Variants in PTPRT observed in about 807,000 individuals in gnomAD.
PTPRT encodes the protein protein tyrosine phosphatase receptor type T.
A neutral mutation model predicts 176.8 loss-of-function variants in PTPRT; 56 were observed. The observed-to-expected ratio is 0.32, with a 90% confidence interval of 0.26 to 0.40. PTPRT has a LOEUF of 0.40. PTPRT is among the 10% of genes least tolerant of loss of function. The probability of loss-of-function intolerance (pLI) is 1.00; values close to 1 mark genes in which losing one functional copy is unlikely to be tolerated. For missense variants in PTPRT, 1,540 were observed against 1,908.2 expected (o/e 0.81, Z 3.60); for synonymous variants, 783 against 739.0 (o/e 1.06, Z -0.96).
At chr20:42,055,110 C>A in the PTPRT span, among the ~76,000 whole-genome samples, 7 of 152,356 alleles carry the variant, frequency 4.6e-5, no homozygotes, top group South Asian at 6.2e-4. Context: ...CTTCCCAACA[C>A]AAGGTACATT....
intron 6 of PTPRT, among the ~76,000 whole-genome samples, chr20:42,727,145 GA>G (rs1220742164): frequency 8.5e-5 from 13 of 152,148 alleles, no homozygotes. Flanking sequence ...CCATTGTGGG[GA>G]ACCTCAGATG....
At chr20:42,153,440 C>A (rs1052576547) in intron 17 of PTPRT, among the ~76,000 whole-genome samples, 1 of 152,082 alleles carries the variant, frequency 6.6e-6, no homozygotes, top group African/African-American at 2.4e-5. Flanking sequence ...CAGGTTTTGA[C>A]TCTTGGTCAA....
intron 6 of PTPRT, among the ~76,000 whole-genome samples, chr20:42,706,619 C>A (rs2076064116): frequency 1.3e-5 from 2 of 152,102 alleles, no homozygotes; most frequent in Non-Finnish European, 2.9e-5. Context: ...CTTCTTTCTT[C>A]ATTAGAAAGA....
chr20:42,778,773 A>G (rs1354179795), intron 4 of PTPRT, among the ~76,000 whole-genome samples: 1 of 152,200 alleles, frequency 6.6e-6, no homozygotes, highest in Non-Finnish European at 1.5e-5. Flanking sequence ...TCATATGCAT[A>G]TCTACTACAT....
chr20:42,316,335 T>G (rs2057721477), intron 11 of PTPRT, among the ~76,000 whole-genome samples: 1 of 152,186 alleles, frequency 6.6e-6, no homozygotes, highest in Non-Finnish European at 1.5e-5. Flanking sequence ...CATCCTCAGT[T>G]CTTAACTCCT....
intron 27 of PTPRT, among the ~76,000 whole-genome samples, chr20:42,091,823 A>T (rs1439720927): frequency 1.3e-5 from 2 of 152,062 alleles, no homozygotes; most frequent in Non-Finnish European, 2.9e-5. Flanking sequence ...AGAGAGAGAG[A>T]TTCACACATC....
chr20:42,633,432 G>A (rs1042019906), intron 7 of PTPRT, among the ~76,000 whole-genome samples: 2 of 151,964 alleles, frequency 1.3e-5, no homozygotes, highest in Non-Finnish European at 2.9e-5. Context: ...AGATAGCATA[G>A]CAGTGTCCAT....
At position 42,275,815 on chromosome 20, in the gene PTPRT, G is replaced by C. The variant is rs886444002; in HGVS notation, c.2176+6674C>G. On this transcript the variant is annotated intron_variant, in intron 13 of 30. Transcript: ENST00000373187. ...CTAGAAGACAGTCAGTGAGAGCAAA[G>C]GGGGCCACAAGTCAAGGAGAATTTG... Among the ~76,000 whole-genome samples, 8 of 152,246 alleles carry C rather than the reference G, an allele frequency of 5.3e-5. No homozygotes were observed. In the East Asian group the frequency reaches 1.5e-3, roughly 29 times the overall value.
intron 14 of PTPRT, among the ~76,000 whole-genome samples, chr20:42,248,184 T>C (rs993103355): frequency 6.6e-6 from 1 of 152,090 alleles, no homozygotes; most frequent in African/African-American, 2.4e-5. Flanking sequence ...GGACTTGTAA[T>C]TGGGAACTCT....
At chr20:43,147,868 CCAAAG>C (rs575876158) in intron 1 of PTPRT, among the ~76,000 whole-genome samples, 115 of 152,266 alleles carry the variant, frequency 7.6e-4, no homozygotes, top group Non-Finnish European at 1.2e-3. Flanking sequence ...CTACTCCAAG[CCAAAG>C]CAGGATCACA....
intron 7 of PTPRT, among the ~76,000 whole-genome samples, chr20:42,543,785 T>A (rs890305247): frequency 6.6e-6 from 1 of 152,144 alleles, no homozygotes; most frequent in Non-Finnish European, 1.5e-5. Flanking sequence ...GTAGAATGGA[T>A]ATTGTGTTAG....
intron 16 of PTPRT, among the ~76,000 whole-genome samples, chr20:42,184,590 T>TCTG (rs1990682620): frequency 6.9e-6 from 1 of 143,886 alleles, no homozygotes; most frequent in African/African-American, 2.6e-5. Context: ...TTCTTCTTCT[T>TCTG]CTTCCTCTTC....
intron 9 of PTPRT, among the ~76,000 whole-genome samples, chr20:42,400,832 C>T (rs1312450351): frequency 6.6e-6 from 1 of 152,082 alleles, no homozygotes; most frequent in African/African-American, 2.4e-5. Flanking sequence ...AAGTTGGTAG[C>T]AACCTTGAGG....
At chr20:42,721,850 A>G (rs183544657) in intron 6 of PTPRT, among the ~76,000 whole-genome samples, 1 of 152,300 alleles carries the variant, frequency 6.6e-6, no homozygotes, top group Admixed American at 6.5e-5. Context: ...AGGCCAACCC[A>G]TTTCAGACCA....
intron 16 of PTPRT, among the ~76,000 whole-genome samples, chr20:42,168,845 A>G (rs1989950093): frequency 6.6e-6 from 1 of 152,202 alleles, no homozygotes; most frequent in Admixed American, 6.5e-5. Flanking sequence ...GTGACCCCTG[A>G]GGAACAGTAG....
chr20:42,167,186 G>C (rs1199064757), intron 16 of PTPRT, among the ~76,000 whole-genome samples: 1 of 152,184 alleles, frequency 6.6e-6, no homozygotes, highest in Non-Finnish European at 1.5e-5. Flanking sequence ...TATTTGTTCT[G>C]ATGAATTTGT....
intron 7 of PTPRT, among the ~76,000 whole-genome samples, chr20:42,604,576 G>C (rs1478522633): frequency 6.6e-6 from 1 of 152,036 alleles, no homozygotes; most frequent in Non-Finnish European, 1.5e-5. Context: ...GCTATGGTGA[G>C]AGAAGAACAT....
chr20:42,415,653 A>T (rs1289700610), intron 9 of PTPRT, among the ~76,000 whole-genome samples: 1 of 152,244 alleles, frequency 6.6e-6, no homozygotes, highest in Non-Finnish European at 1.5e-5. Context: ...AGGACTTGGC[A>T]TTTAGGAAAT....
chr20:42,153,660 G>A (rs1989227923), intron 17 of PTPRT, among the ~76,000 whole-genome samples: 1 of 152,152 alleles, frequency 6.6e-6, no homozygotes, highest in Admixed American at 6.5e-5. Flanking sequence ...CCAGCTGTGA[G>A]CCTACAATTT....
Sources: gnomAD v4.1 joint callset for allele counts (sites outside exome capture counted in the v4.1 genomes callset) on GRCh38, gnomAD v4.1.1 for gene constraint, MANE v1.5 for transcripts, NCBI Gene and HGNC (gene_info 2026-07-23, HGNC 2026-07-21) for gene names.